Variants in KNL1 observed in about 807,000 individuals in gnomAD.
The protein encoded by KNL1 is outer kinetochore KNL1 complex subunit KNL1.
Under a neutral mutation model 201.3 loss-of-function variants are expected in KNL1, and 66 were observed. That is an observed-to-expected ratio of 0.33 (90% CI 0.27 to 0.40). The LOEUF is 0.40. Among genes scored for constraint, KNL1 ranks in the 10% least tolerant of loss-of-function variants. KNL1 has a pLI of 1.00. For missense variants in KNL1, 2,815 were observed against 2,690.5 expected, an observed-to-expected ratio of 1.05 and a Z score of -1.02; for synonymous variants, 895 against 899.2, an observed-to-expected ratio of 1.00 and a Z score of 0.08.
At chr15:40,614,041 A>G (rs978086771) in intron 7 of KNL1, among the ~76,000 whole-genome samples, 1 of 142,332 alleles carries the variant, frequency 7.0e-6, no homozygotes, top group African/African-American at 2.7e-5. Context: ...CTTGTGATCC[A>G]CCCGCCTCGG....
At chr15:40,632,818 G>A (rs1892950677) in intron 13 of KNL1, among the ~76,000 whole-genome samples, 1 of 151,472 alleles carries the variant, frequency 6.6e-6, no homozygotes, top group African/African-American at 2.4e-5. Flanking sequence ...TCAGGAGTTT[G>A]AGACCAGCCT....
rs1892630424 is a variant in KNL1, at chr15:40,623,691, C to T, written c.3427C>T (p.Pro1143Ser). Reference protein sequence around the residue: ...TTALECKTLLPNEIAIRPMDK... With the variant: ...TTALECKTLLSNEIAIRPMDK... ...TGCCTTAGAATGTAAAACTCTCCTG[C>T]CAAATGAAATAGCTATTAGGCCCAT... Residue 1143 changes from proline to serine, a missense_variant, in exon 10 of 26, where the codon CCA (proline) becomes TCA (serine). Physicochemically the swap from Pro to Ser is moderately conservative, Grantham distance 74 (BLOSUM62 -1). Around this residue, in one of 3 missense-constraint regions of KNL1, gnomAD observed 2,464 missense variants for 2,291.7 expected, o/e 1.08. Coordinates refer to ENST00000399668, the MANE Select transcript of KNL1 (RefSeq NM_144508.5). 2 of 1,613,730 alleles carry T rather than the reference C, an allele frequency of 1.2e-6. No individual in the cohort carries two copies. The highest frequency in any genetic ancestry group is 1.7e-5 in the Admixed American group (1 of 59,970).
At chr15:40,601,968 A>G (rs1254004069) in intron 1 of KNL1, among the ~76,000 whole-genome samples, 2 of 124,780 alleles carry the variant, frequency 1.6e-5, no homozygotes, top group Non-Finnish European at 3.1e-5. Flanking sequence ...CAGCCTCCCT[A>G]GTAGCTGGGA....
chr15:40,657,754 A>T (rs1230398617), intron 24 of KNL1, among the ~76,000 whole-genome samples: 1 of 152,158 alleles, frequency 6.6e-6, no homozygotes, highest in Admixed American at 6.5e-5. Flanking sequence ...TTTTATAAGG[A>T]CACTAGTCAT....
Position 40,625,122 on chromosome 15 carries a change from G to A in KNL1, c.4858G>A (p.Asp1620Asn). Residue 1620 changes from aspartate (D) to asparagine (N), a missense_variant, in exon 10 of 26, where the codon GAT becomes AAT. This residue lies in a region of KNL1 where 2,464 missense variants were observed against 2,291.7 expected (regional missense o/e 1.08). Coordinates refer to ENST00000399668, the MANE Select transcript of KNL1 (RefSeq NM_144508.5). ...IISSNAKDSRDEENKKSHNGA... is the reference protein window; with the variant it reads ...IISSNAKDSRNEENKKSHNGA... Reference sequence around the variant, plus strand: ...CTCCAGCAATGCTAAAGATAGTAGAGATGAGGAAAATAAAAAGTCTCATAA... The same window carrying A: ...CTCCAGCAATGCTAAAGATAGTAGAAATGAGGAAAATAAAAAGTCTCATAA... The A allele has an allele frequency of 1.2e-6, 2 of 1,614,050 alleles. No homozygotes were observed. Among genetic ancestry groups the A allele is most frequent in the Non-Finnish European group, 1.7e-6 (2 of 1,179,966 alleles).
chr15:40,629,242 TG>T, intron 12 of KNL1, 30 bp from the exon 13 acceptor site: 2 of 1,281,664 alleles, frequency 1.6e-6, no homozygotes, highest in Middle Eastern at 1.9e-4. Context: ...TCACATTGAA[TG>T]GTCATGCAAA....
At chr15:40,618,675 C>A (rs1892419945) in intron 8 of KNL1, among the ~76,000 whole-genome samples, 1 of 152,020 alleles carries the variant, frequency 6.6e-6, no homozygotes, top group Non-Finnish European at 1.5e-5. Context: ...TTATATGTTC[C>A]CAACACAAAA....
At chr15:40,656,074 C>G (rs1893722748) in intron 22 of KNL1, among the ~76,000 whole-genome samples, 1 of 152,132 alleles carries the variant, frequency 6.6e-6, no homozygotes, top group South Asian at 2.1e-4. Context: ...CCCCATTTTA[C>G]AAATTAGGAA....
rs1892519296 is a variant in KNL1, at chr15:40,621,349, C to A, written c.1085C>A (p.Thr362Lys). 8.1e-6 allele frequency: 13 copies of A among 1,612,378 alleles called. No individual in the cohort carries two copies. The highest frequency in any genetic ancestry group is 1.1e-5 in the Non-Finnish European group (13 of 1,179,130). The change falls in exon 10 of 26, where the codon ACA becomes AAA. Residue 362 changes from threonine (T) to lysine (K), a missense_variant. Around this residue, in one of 3 missense-constraint regions of KNL1, gnomAD observed 2,464 missense variants for 2,291.7 expected, o/e 1.08. Transcript: ENST00000399668. ...GGAACTAAAGCTTCAGGAAATAAAACAGTTTTTAAGAGTAAACAAAATACT... is the reference window on the plus strand; with the variant it reads ...GGAACTAAAGCTTCAGGAAATAAAAAAGTTTTTAAGAGTAAACAAAATACT... ...GYGTKASGNK[T>K]VFKSKQNTAF...
At chr15:40,597,375 C>G (rs901104003) in intron 1 of KNL1, among the ~76,000 whole-genome samples, 2 of 152,184 alleles carry the variant, frequency 1.3e-5, no homozygotes, top group Non-Finnish European at 2.9e-5. Context: ...CTGCTTCAGC[C>G]TCCCAAGTAC....
At chr15:40,658,248 A>G (rs1202577675) in intron 24 of KNL1, among the ~76,000 whole-genome samples, 1 of 150,320 alleles carries the variant, frequency 6.7e-6, no homozygotes, top group African/African-American at 2.5e-5. Context: ...CCTGGGCACA[A>G]AGAGACTCCA....
In KNL1 at chr15:40,623,314, CT is replaced by C. The variant is rs763131419; in HGVS notation, c.3051del (p.Leu1018TrpfsTer11). The C allele has an allele frequency of 6.2e-7, 1 of 1,613,878 alleles. No homozygotes were observed. The highest frequency in any genetic ancestry group is 8.5e-7 in the Non-Finnish European group (1 of 1,179,876). The part of the protein sequence containing the change: ...RLVANDSQLT[P>X]LEEWSNNRGP... ...GTAGCAAATGACAGCCAGCTAACCC[CT>C]CTGGAGGAATGGTCTAATAATAGGG... On this transcript the variant is annotated frameshift_variant, in exon 10 of 26. Coordinates refer to ENST00000399668, the MANE Select transcript of KNL1 (RefSeq NM_144508.5). LOFTEE classifies it high-confidence loss of function.
chr15:40,631,008 C>T (rs977333903), intron 13 of KNL1, among the ~76,000 whole-genome samples: 1 of 152,070 alleles, frequency 6.6e-6, no homozygotes, highest in Admixed American at 6.6e-5. Flanking sequence ...GTCCCCGCTA[C>T]TCAGGAGGCT....
Position 40,657,470 on chromosome 15 carries a change from ATGAG to A in KNL1, c.6712_6713+2del. On this transcript the variant is annotated splice_donor_variant and coding_sequence_variant, in exon 24 of 26. Transcript: ENST00000399668. LOFTEE classifies it high-confidence loss of function. ...CTAATGAACATAGATATTAATAATA[ATGAG>A]TAAGTGTATTAGTTCCCAAGGACTG... is the stretch of plus-strand genomic sequence containing the variant. 7.1e-7 allele frequency: 1 copy of A among 1,400,908 alleles called. No homozygotes were observed. The allele number at this position is 1,400,908 out of a possible 1,614,324, so 86.8% of individuals were successfully genotyped here.
At chr15:40,596,160 C>CAAT (rs1378261663) in intron 1 of KNL1, among the ~76,000 whole-genome samples, 1 of 152,098 alleles carries the variant, frequency 6.6e-6, no homozygotes, top group Non-Finnish European at 1.5e-5. Flanking sequence ...ACCTAACAGT[C>CAAT]TATTTATTGA....
intron 7 of KNL1, among the ~76,000 whole-genome samples, chr15:40,612,180 G>A (rs778459939): frequency 6.6e-6 from 1 of 152,172 alleles, no homozygotes; most frequent in South Asian, 2.1e-4. Flanking sequence ...GCCAGGTGTT[G>A]TGGTGGGCGC....
Position 40,650,338 on chromosome 15 carries a change from T to C in KNL1, c.6132T>C (p.Pro2044=), listed in dbSNP as rs779847487. ...KNLEDEEKNN[P]VEEWDSEMRA... Reference sequence around the variant, plus strand: ...TGGAGGATGAAGAGAAAAACAATCCTGTGGAAGAATGGGATTCTGAAATGA... The same window carrying C: ...TGGAGGATGAAGAGAAAAACAATCCCGTGGAAGAATGGGATTCTGAAATGA... The change falls in exon 18 of 26, where the codon CCT becomes CCC. Residue 2044 remains proline, a synonymous_variant. Coordinates refer to ENST00000399668, the MANE Select transcript of KNL1 (RefSeq NM_144508.5). 6 of 1,612,854 alleles carry C rather than the reference T, an allele frequency of 3.7e-6. No homozygotes were observed. The highest frequency in any genetic ancestry group is 2.2e-5 in the South Asian group (2 of 91,014).
chr15:40,661,914 G>A (rs530229360), intron 25 of KNL1, among the ~76,000 whole-genome samples, 160 bp from the exon 26 acceptor site: 14 of 152,174 alleles, frequency 9.2e-5, no homozygotes, highest in African/African-American at 2.4e-4. Flanking sequence ...GGTGGCAGGC[G>A]CCTGTAGTCC....
At chr15:40,627,218 G>A (rs922867228) in intron 10 of KNL1, among the ~76,000 whole-genome samples, 1 of 152,158 alleles carries the variant, frequency 6.6e-6, no homozygotes, top group Non-Finnish European at 1.5e-5. Context: ...TTACATAAAA[G>A]AATATATTGT....
Sources: gnomAD v4.1 joint callset for allele counts (sites outside exome capture counted in the v4.1 genomes callset) on GRCh38, gnomAD v4.1.1 for gene constraint, gnomAD v4.1.1 regional missense constraint, MANE v1.5 for transcripts, NCBI Gene and HGNC (gene_info 2026-07-23, HGNC 2026-07-21) for gene names.